The following CTNNA2 variants were observed in gnomAD, a reference collection of about 807,000 sequenced individuals.
The protein encoded by CTNNA2 is catenin alpha 2, also known as catenin alpha-2.
Under a neutral mutation model 101.0 loss-of-function variants are expected in CTNNA2, and 42 were observed. The ratio of observed to expected loss-of-function variants is 0.42; its 90% confidence interval spans 0.32 to 0.54. CTNNA2 has a LOEUF of 0.54. Ranked by LOEUF, CTNNA2 falls within the 20% of genes least tolerant of loss-of-function variation. The pLI is 0.14. For synonymous variants in CTNNA2, 450 were observed against 456.4 expected (o/e 0.99, Z 0.18); for missense variants, 871 against 1,223.1 (o/e 0.71, Z 4.29).
intron 2 of CTNNA2, among the ~76,000 whole-genome samples, chr2:79,724,682 G>A (rs781634226): frequency 1.3e-5 from 2 of 151,926 alleles, no homozygotes; most frequent in South Asian, 2.1e-4. Context: ...GGGTGTGGTC[G>A]TGGGCGCCTG....
At chr2:79,473,524 T>C (rs950086399) in intron 4 of CTNNA2, among the ~76,000 whole-genome samples, 5 of 152,056 alleles carry the variant, frequency 3.3e-5, no homozygotes, top group Non-Finnish European at 5.9e-5. Context: ...AAAATGTACA[T>C]TACATGCATA....
chr2:79,630,767 G>T (rs1050477029), intron 1 of CTNNA2, among the ~76,000 whole-genome samples: 1 of 152,182 alleles, frequency 6.6e-6, no homozygotes, highest in African/African-American at 2.4e-5. Flanking sequence ...TGGTGACGTA[G>T]GAGCCATCAA....
intron 7 of CTNNA2, among the ~76,000 whole-genome samples, chr2:80,306,522 A>T (rs749550501): frequency 1.4e-4 from 21 of 149,576 alleles, no homozygotes; most frequent in Non-Finnish European, 2.5e-4. Context: ...CTTGCTGCCT[A>T]CCTAACTCTG....
chr2:80,423,440 A>T (rs867855079), intron 9 of CTNNA2, among the ~76,000 whole-genome samples: 22 of 152,046 alleles, frequency 1.4e-4, no homozygotes, highest in South Asian at 4.1e-4. Context: ...ATTTTTTTTT[A>T]AATTTCTAGT....
intron 9 of CTNNA2, among the ~76,000 whole-genome samples, chr2:80,521,339 A>C (rs1689529015): frequency 6.6e-6 from 1 of 152,128 alleles, no homozygotes; most frequent in Non-Finnish European, 1.5e-5. Context: ...AACAAAATGC[A>C]AGTTTTAACT....
intron 1 of CTNNA2, among the ~76,000 whole-genome samples, chr2:79,542,794 A>G (rs1012332698): frequency 6.6e-6 from 1 of 152,152 alleles, no homozygotes; most frequent in Non-Finnish European, 1.5e-5. Flanking sequence ...CCATTTCACT[A>G]TCTCCTGTAA....
At chr2:79,909,853 T>C in intron 7 of CTNNA2, 56 bp downstream of exon 7, 1 of 1,501,394 alleles carries the variant, frequency 6.7e-7, no homozygotes, top group South Asian at 1.3e-5. Flanking sequence ...TGCAATCGTG[T>C]TGCTCTTTTG....
chr2:80,327,511 A>G (rs900136949), intron 7 of CTNNA2, among the ~76,000 whole-genome samples: 11 of 149,656 alleles, frequency 7.4e-5, no homozygotes, highest in African/African-American at 2.7e-4. Flanking sequence ...CAGTAACAGT[A>G]ACATACCTCT....
chr2:79,246,303 A>G (rs1216638144), intron 2 of CTNNA2, among the ~76,000 whole-genome samples: 1 of 152,170 alleles, frequency 6.6e-6, no homozygotes, highest in Non-Finnish European at 1.5e-5. Flanking sequence ...ACCAGGGTAC[A>G]CCACTTCATT....
At chr2:80,422,229 CA>C (rs1397334625) in intron 9 of CTNNA2, among the ~76,000 whole-genome samples, 1 of 152,190 alleles carries the variant, frequency 6.6e-6, no homozygotes, top group East Asian at 1.9e-4. Context: ...AGAACTTGTA[CA>C]GGGGAAGTCC....
intron 7 of CTNNA2, among the ~76,000 whole-genome samples, chr2:80,035,889 A>G (rs768969336): frequency 1.1e-4 from 17 of 152,192 alleles, no homozygotes; most frequent in Non-Finnish European, 2.1e-4. Context: ...CCAGCATGGT[A>G]TTGTAAAGAG....
intron 7 of CTNNA2, among the ~76,000 whole-genome samples, chr2:80,324,989 G>A (rs1387210149): frequency 6.6e-6 from 1 of 151,994 alleles, no homozygotes; most frequent in Non-Finnish European, 1.5e-5. Context: ...TATTACTACT[G>A]GATATTATGT....
At chr2:79,940,265 TAAAG>T (rs1016602172) in intron 7 of CTNNA2, among the ~76,000 whole-genome samples, 11 of 152,156 alleles carry the variant, frequency 7.2e-5, no homozygotes, top group African/African-American at 2.2e-4. Flanking sequence ...ACCAAGAAAA[TAAAG>T]AAGAAAGTGA....
intron 2 of CTNNA2, among the ~76,000 whole-genome samples, chr2:79,659,201 T>C (rs1288891468): frequency 7.0e-6 from 1 of 142,166 alleles, no homozygotes; most frequent in Non-Finnish European, 1.5e-5. Context: ...CTTCTGAGAG[T>C]TGATCCAGTG....
intron 7 of CTNNA2, among the ~76,000 whole-genome samples, chr2:80,198,401 A>G (rs1324271474): frequency 1.3e-5 from 2 of 152,220 alleles, no homozygotes; most frequent in African/African-American, 4.8e-5. Flanking sequence ...ATTAGTATCA[A>G]TGCAGTTAAA....
chr2:80,022,210 G>T (rs1015030474), intron 7 of CTNNA2, among the ~76,000 whole-genome samples: 1 of 152,134 alleles, frequency 6.6e-6, no homozygotes, highest in Non-Finnish European at 1.5e-5. Flanking sequence ...CTATTCTTTT[G>T]CTTAGTCATC....
chr2:80,216,189 T>A (rs1450202644), intron 7 of CTNNA2, among the ~76,000 whole-genome samples: 2 of 152,100 alleles, frequency 1.3e-5, no homozygotes, highest in Non-Finnish European at 2.9e-5. Flanking sequence ...GAAAGGGAAT[T>A]CCCCGACCCC....
chr2:79,350,169 G>A lies in CTNNA2; in HGVS notation c.-317-23662G>A, dbSNP rs377666315. Among the ~76,000 whole-genome samples, 60 of 151,850 alleles carry A rather than the reference G, an allele frequency of 4.0e-4. 1 individual carries two copies. In the South Asian group the frequency reaches 0.012, roughly 31 times the overall value. On this transcript the variant is annotated intron_variant, in intron 3 of 21. Coordinates refer to the CTNNA2 transcript ENST00000466387. Reference sequence around the variant, plus strand: ...ATTTCAGATTCATAGGGTACATGTGGAGCTTTGTTAAATAGATATATTGTG... The same window carrying A: ...ATTTCAGATTCATAGGGTACATGTGAAGCTTTGTTAAATAGATATATTGTG...
chr2:80,614,989 CTT>C (rs1398514610), intron 17 of CTNNA2, among the ~76,000 whole-genome samples: 1 of 144,420 alleles, frequency 6.9e-6, no homozygotes, highest in African/African-American at 2.7e-5. Flanking sequence ...TTTTTTTTTT[CTT>C]GTTTCTACTG....
Sources: allele counts gnomAD v4.1 joint callset (sites outside exome capture counted in the v4.1 genomes callset), GRCh38; gene constraint gnomAD v4.1.1; transcripts MANE v1.5; gene names NCBI Gene and HGNC (gene_info 2026-07-23, HGNC 2026-07-21).